The following HLA-DRB1 variants were observed in gnomAD, a reference collection of about 807,000 sequenced individuals.
HLA-DRB1 encodes major histocompatibility complex, class II, DR beta 1, also known as major histocompatibility complex, class II, DR beta 1 precursor.
A neutral mutation model predicts 27.9 loss-of-function variants in HLA-DRB1; 10 were observed. The ratio of observed to expected loss-of-function variants is 0.36; its 90% CI spans 0.22 to 0.61. The LOEUF is 0.61. Ranked by LOEUF, HLA-DRB1 falls within the 20% of genes least tolerant of loss-of-function variation. HLA-DRB1 has a pLI of 0.73. For missense variants in HLA-DRB1, 118 were observed against 306.3 expected, an observed-to-expected ratio of 0.39 and a Z score of 4.59; for synonymous variants, 57 against 126.7, an observed-to-expected ratio of 0.45 and a Z score of 3.69.
intron 1 of HLA-DRB1, among the ~76,000 whole-genome samples, chr6:32,589,424 G>A (rs28366208): frequency 4.5e-3 from 379 of 83,582 alleles, no homozygotes; most frequent in East Asian, 0.042. Flanking sequence ...GATTTGAAAA[G>A]AAATGATTTG....
In HLA-DRB1 at chr6:32,584,108, C is replaced by A; in HGVS notation, c.370+1G>T. On this transcript the variant is annotated splice_donor_variant, in intron 2 of 5. Transcript: ENST00000360004. LOFTEE classifies it high-confidence loss of function. ...CAGGCCCCGCCCGCGGCCATGCTCA[C>A]CTCGCCGCTGCACTGTGAAGCTCTC... The A allele has an allele frequency of 2.0e-6, 2 of 1,021,540 alleles. No individual in the cohort carries two copies. The highest frequency in any genetic ancestry group is 2.6e-6 in the Non-Finnish European group (2 of 754,898). The allele number at this position is 1,021,540 out of a possible 1,614,324, so 63.3% of individuals were successfully genotyped here. A position where few individuals can be genotyped will look rare whatever the true frequency, so the allele number is the denominator to read the frequency against.
At chr6:32,584,214 A>ACGC (rs1776020175) in exon 2 of HLA-DRB1, 1 of 1,412,306 alleles carries the variant, frequency 7.1e-7, no homozygotes, top group Non-Finnish European at 9.7e-7. Context: ...CTGTTCCAGT[A>ACGC]CTCAGCGTCA....
At chr6:32,586,590 C>G (rs1204558887) in intron 1 of HLA-DRB1, among the ~76,000 whole-genome samples, 7 of 53,406 alleles carry the variant, frequency 1.3e-4, no homozygotes, top group African/African-American at 2.3e-4. Context: ...AATCCATCTC[C>G]CTATGTATCC....
At chr6:32,589,428 T>G (rs1777025877) in intron 1 of HLA-DRB1, among the ~76,000 whole-genome samples, 1 of 79,888 alleles carries the variant, frequency 1.3e-5, no homozygotes, top group Non-Finnish European at 2.5e-5. Context: ...TGAAAAGAAA[T>G]GATTTGTGCA....
chr6:32,584,550 G>A (rs1439928766), intron 1 of HLA-DRB1, among the ~76,000 whole-genome samples, 172 bp from the exon 2 acceptor site: 35 of 151,172 alleles, frequency 2.3e-4, no homozygotes, highest in Admixed American at 5.9e-4. Flanking sequence ...TTCCTGAGGC[G>A]AACGGGGGCC....
At chr6:32,583,111 G>A (rs201347051) in intron 2 of HLA-DRB1, among the ~76,000 whole-genome samples, 1,423 of 86,980 alleles carry the variant, frequency 0.016, 148 homozygotes, top group South Asian at 0.053. Flanking sequence ...AAGTCACTGA[G>A]AAAAATACTA....
chr6:32,586,244 A>T (rs9270064), intron 1 of HLA-DRB1, among the ~76,000 whole-genome samples: 195 of 69,926 alleles, frequency 2.8e-3, no homozygotes, highest in Middle Eastern at 8.3e-3. Flanking sequence ...GAACCCAGAG[A>T]ACAATCCTTC....
At position 32,580,184 on chromosome 6, in the gene HLA-DRB1, G is replaced by A. The variant is rs142754652; in HGVS notation, c.787+63C>T. On this transcript the variant is annotated intron_variant, in intron 5 of 5. Coordinates refer to ENST00000360004, the Ensembl canonical transcript of HLA-DRB1. Reference sequence around the variant, plus strand: ...AGTCCCCACCCCACCCAGAAGTCCAGCTGGCTTCACCTCTCACTAGGGAAA... The same window carrying A: ...AGTCCCCACCCCACCCAGAAGTCCAACTGGCTTCACCTCTCACTAGGGAAA... 6.1e-5 allele frequency: 34 copies of A among 561,790 alleles called. 3 individuals are homozygous for A. The highest frequency in any genetic ancestry group is 9.4e-5 in the Non-Finnish European group (33 of 350,658). 34.8% of individuals were successfully genotyped at this position (561,790 alleles called of 1,614,324 possible).
In HLA-DRB1 at chr6:32,589,602, C is replaced by A. The variant is rs878911407; in HGVS notation, c.100+41G>T. 3,952 of 485,570 alleles carry A rather than the reference C, an allele frequency of 8.1e-3. 1 individual carries two copies. The highest frequency in any genetic ancestry group is 0.065 in the African/African-American group (1,428 of 21,982). The allele number at this position is 485,570 out of a possible 1,614,324, so 30.1% of individuals were successfully genotyped here. On this transcript the variant is annotated intron_variant, in intron 1 of 5. Coordinates refer to ENST00000360004, the Ensembl canonical transcript of HLA-DRB1. ...CAATGTTAACAAAACTCCCTATTTT[C>A]CCCACCCCATAGTAGCTCAGCACCC...
In HLA-DRB1 at chr6:32,584,223, C is replaced by T. The variant is rs17880292; in HGVS notation, c.256G>A (p.Asp86Asn). The T allele has an allele frequency of 9.1e-3, 12,991 of 1,425,808 alleles. 468 individuals carry two copies. Among genetic ancestry groups the T allele is most frequent in the East Asian group, 0.062 (2,247 of 36,192 alleles). 88.3% of individuals were successfully genotyped at this position (1,425,808 alleles called of 1,614,324 possible). A position where few individuals can be genotyped will look rare whatever the true frequency, so the allele number is the denominator to read the frequency against. The change falls in exon 2 of 6, where the codon GAC (aspartate) becomes AAC (asparagine). Residue 86 changes from aspartate to asparagine, a missense_variant. Physicochemically the swap from Asp to Asn is conservative, Grantham distance 23. Around this residue, in one of 5 missense-constraint regions of HLA-DRB1, gnomAD observed 42 missense variants for 104.2 expected, o/e 0.40. Coordinates refer to ENST00000360004, the Ensembl canonical transcript of HLA-DRB1. ...TTCTGGCTGTTCCAGTACTCAGCGT[C>T]AGGCCGCCCCAGCTCCGTCACCGCC...
chr6:32,580,906 T>A, intron 3 of HLA-DRB1, 50 bp from the exon 4 acceptor site: 1 of 1,326,532 alleles, frequency 7.5e-7, no homozygotes, highest in Non-Finnish European at 1.0e-6. Context: ...TTGAACCTTT[T>A]TACTTGAGAC....
intron 1 of HLA-DRB1, among the ~76,000 whole-genome samples, chr6:32,587,900 G>A (rs113345923): frequency 0.2 from 28,802 of 145,688 alleles, 3,789 homozygotes; most frequent in African/African-American, 0.23. Context: ...CTAGAATGGA[G>A]CCCAGTAAAG....
At position 32,584,179 on chromosome 6, in the gene HLA-DRB1, C is replaced by CTT. The variant is rs746231220; in HGVS notation, c.299_300insAA (p.Arg101SerfsTer29). ...TGCAGTAGGTGTCCACCGCGGCCCG[C>CTT]GCCTGCTCCAGGATGTCCTTCTGGC... On this transcript the variant is annotated frameshift_variant, in exon 2 of 6. Transcript: ENST00000360004. LOFTEE classifies it high-confidence loss of function. 1.7e-3 allele frequency: 2,098 copies of CTT among 1,228,236 alleles called. 219 individuals are homozygous for CTT. The highest frequency in any genetic ancestry group is 4.9e-3 in the Middle Eastern group (23 of 4,676). 76.1% of individuals were successfully genotyped at this position (1,228,236 alleles called of 1,614,324 possible).
chr6:32,587,711 G>A (rs34068533), intron 1 of HLA-DRB1, among the ~76,000 whole-genome samples: 17,913 of 84,672 alleles, frequency 0.21, 2,909 homozygotes, highest in Admixed American at 0.33. Context: ...AACTAAAGTA[G>A]GTGAATCCAT....
chr6:32,588,844 A>T (rs188759419), intron 1 of HLA-DRB1, among the ~76,000 whole-genome samples: 1 of 124,396 alleles, frequency 8.0e-6, no homozygotes, highest in Non-Finnish European at 1.7e-5. Flanking sequence ...TGTCATGTCT[A>T]GTTAGAGCAC....
At chr6:32,582,253 C>T (rs28723984) in intron 2 of HLA-DRB1, among the ~76,000 whole-genome samples, 2,452 of 120,012 alleles carry the variant, frequency 0.02, no homozygotes, top group Admixed American at 0.042. Context: ...GATAATTATA[C>T]TAATTTACCT....
intron 3 of HLA-DRB1, among the ~76,000 whole-genome samples, chr6:32,581,295 T>C (rs28732313): frequency 0.17 from 10,131 of 58,694 alleles, 620 homozygotes; most frequent in Middle Eastern, 0.27. Flanking sequence ...CCTGGGAGAG[T>C]GGGTGACCCT....
intron 3 of HLA-DRB1, among the ~76,000 whole-genome samples, chr6:32,581,229 A>G (rs34746179): frequency 5.5e-3 from 476 of 87,258 alleles, no homozygotes; most frequent in Admixed American, 0.011. Context: ...CACAAAAAAT[A>G]ACTCAGAGCA....
intron 4 of HLA-DRB1, 136 bp from the exon 5 acceptor site, chr6:32,580,406 G>A (rs34607646): frequency 1.6e-3 from 759 of 483,992 alleles, no homozygotes; most frequent in Admixed American, 3.3e-3. Flanking sequence ...GCAGAAAGGA[G>A]CAGAAACAGA....
Sources: gnomAD v4.1 joint callset for allele counts (sites outside exome capture counted in the v4.1 genomes callset) on GRCh38, gnomAD v4.1.1 for gene constraint, gnomAD v4.1.1 regional missense constraint, MANE v1.5 for transcripts, NCBI Gene and HGNC (gene_info 2026-07-23, HGNC 2026-07-21) for gene names.